LINGO2: variants seen among roughly 807,000 people sequenced by gnomAD.
The protein encoded by LINGO2 is leucine-rich repeat and immunoglobulin-like domain-containing nogo receptor-interacting protein 2.
In LINGO2, 14 loss-of-function variants were observed where a neutral mutation model predicts 30.6. The ratio of observed to expected loss-of-function variants is 0.46; its 90% confidence interval spans 0.30 to 0.72. LINGO2 has a LOEUF of 0.72. LINGO2 is among the 30% of genes least tolerant of loss of function. The pLI is 0.07. For missense variants in LINGO2, 729 were observed against 751.7 expected (o/e 0.97, Z 0.35); for synonymous variants, 317 against 288.5 (o/e 1.10, Z -1.00).
At chr9:29,161,228 G>T in the LINGO2 span, among the ~76,000 whole-genome samples, 3 of 152,216 alleles carry the variant, frequency 2.0e-5, no homozygotes, top group Admixed American at 6.5e-5. Flanking sequence ...CCATGATAAA[G>T]GTAGACAGTG....
intron 5 of LINGO2, among the ~76,000 whole-genome samples, chr9:27,982,082 C>T (rs1563879534): frequency 6.6e-6 from 1 of 151,824 alleles, no homozygotes; most frequent in Non-Finnish European, 1.5e-5. Context: ...TTTTAAATTA[C>T]AGCCTGCCTT....
intron 5 of LINGO2, among the ~76,000 whole-genome samples, chr9:27,969,113 G>C (rs1460812921): frequency 7.2e-6 from 1 of 139,530 alleles, no homozygotes; most frequent in Non-Finnish European, 1.5e-5. Context: ...AGATTTTCAT[G>C]ATTCAAAATG....
chr9:28,571,152 T>A (rs1396154150), intron 1 of LINGO2, among the ~76,000 whole-genome samples: 1 of 151,932 alleles, frequency 6.6e-6, no homozygotes, highest in Non-Finnish European at 1.5e-5. Context: ...TAAGGTATCT[T>A]AAAAAAATAC....
the LINGO2 span, among the ~76,000 whole-genome samples, chr9:29,008,748 T>C: frequency 1.6e-4 from 25 of 152,296 alleles, no homozygotes; most frequent in East Asian, 4.4e-3. Flanking sequence ...TCTGTTCATA[T>C]CCTTCACCCA....
chr9:27,977,492 GAC>G (rs1272852480), intron 5 of LINGO2, among the ~76,000 whole-genome samples: 7 of 151,852 alleles, frequency 4.6e-5, no homozygotes, highest in Non-Finnish European at 1.0e-4. Context: ...ACGACTCCCT[GAC>G]TACAAGTATA....
intron 4 of LINGO2, among the ~76,000 whole-genome samples, chr9:28,194,561 T>TAAA (rs555810032): frequency 0.097 from 11,041 of 114,260 alleles, 572 homozygotes; most frequent in Middle Eastern, 0.14. Flanking sequence ...CTCTCTATCC[T>TAAA]AAAAAAAAAA....
chr9:29,198,787 G>T, the LINGO2 span, among the ~76,000 whole-genome samples: 1 of 152,114 alleles, frequency 6.6e-6, no homozygotes, highest in Non-Finnish European at 1.5e-5. Flanking sequence ...TTCAAATTCT[G>T]TTCAAGAACA....
chr9:28,778,304 A>G, the LINGO2 span, among the ~76,000 whole-genome samples: 3 of 152,176 alleles, frequency 2.0e-5, no homozygotes, highest in East Asian at 3.8e-4. Context: ...AAGGAAAAGG[A>G]TGGATTAAAT....
the LINGO2 span, among the ~76,000 whole-genome samples, chr9:28,999,021 T>A: frequency 1.6e-4 from 24 of 152,236 alleles, no homozygotes; most frequent in African/African-American, 5.5e-4. Context: ...ACAGAGCTAG[T>A]TATTGTGATA....
intron 3 of LINGO2, among the ~76,000 whole-genome samples, chr9:28,301,189 C>T (rs1467037165): frequency 6.6e-6 from 1 of 152,014 alleles, no homozygotes; most frequent in Non-Finnish European, 1.5e-5. Flanking sequence ...AAGGATATTA[C>T]AAACAACATT....
At chr9:28,126,227 G>T (rs1827231865) in intron 4 of LINGO2, among the ~76,000 whole-genome samples, 1 of 152,140 alleles carries the variant, frequency 6.6e-6, no homozygotes, top group South Asian at 2.1e-4. Context: ...AAGGGTGAAA[G>T]TTCCAGATAA....
the LINGO2 span, among the ~76,000 whole-genome samples, chr9:29,195,242 C>A: frequency 4.6e-5 from 7 of 152,160 alleles, no homozygotes; most frequent in Admixed American, 3.9e-4. Context: ...GCAGTGGATA[C>A]CACAGTCTGT....
At chr9:29,066,201 T>C in the LINGO2 span, among the ~76,000 whole-genome samples, 1 of 151,802 alleles carries the variant, frequency 6.6e-6, no homozygotes, top group African/African-American at 2.4e-5. Context: ...TTGAATAGGA[T>C]CAGGAAAGAA....
chr9:27,949,318 T>C (rs1185735326), exon 6 of LINGO2: 2 of 1,613,980 alleles, frequency 1.2e-6, no homozygotes, highest in Non-Finnish European at 1.7e-6. Context: ...TTGGTGGTGA[T>C]GAAACGCCTT....
chr9:28,988,457 G>C, the LINGO2 span, among the ~76,000 whole-genome samples: 6 of 152,192 alleles, frequency 3.9e-5, no homozygotes, highest in East Asian at 9.7e-4. Context: ...GCAGCATATA[G>C]TGGAGTCTTT....
At chr9:28,923,085 T>G in the LINGO2 span, among the ~76,000 whole-genome samples, 1 of 152,076 alleles carries the variant, frequency 6.6e-6, no homozygotes, top group Admixed American at 6.5e-5. Context: ...AACTGAGAAA[T>G]GAAAGGAAAT....
chr9:28,577,134 G>A (rs953549545), intron 1 of LINGO2, among the ~76,000 whole-genome samples: 6 of 152,058 alleles, frequency 3.9e-5, no homozygotes, highest in South Asian at 2.1e-4. Flanking sequence ...AAAATAAAAC[G>A]CCACAAATTT....
intron 4 of LINGO2, among the ~76,000 whole-genome samples, chr9:28,067,039 CTTAATAAGT>C (rs1266859726): frequency 6.6e-6 from 1 of 152,026 alleles, no homozygotes; most frequent in Admixed American, 6.6e-5. Flanking sequence ...TCGTTATTTG[CTTAATAAGT>C]AATATCTGCA....
At position 28,147,315 on chromosome 9, in the gene LINGO2, G is replaced by A. The variant is rs537808413; in HGVS notation, c.-86-134910C>T. Among the ~76,000 whole-genome samples, 1,619 of 152,288 alleles carry A rather than the reference G, an allele frequency of 0.011. 26 individuals are homozygous for A. The highest frequency in any genetic ancestry group is 0.037 in the African/African-American group (1,529 of 41,568). On this transcript the variant is annotated intron_variant, in intron 4 of 5. Transcript: ENST00000379992. The surrounding 1 kb of genome is among the most constrained non-coding windows in gnomAD (Gnocchi z 4.7). Reference sequence around the variant, plus strand: ...CTGGCTGGGCCATGACCACCTGAATGACCTGAGGAATGGTCTCAGGCAAAT... The same window carrying A: ...CTGGCTGGGCCATGACCACCTGAATAACCTGAGGAATGGTCTCAGGCAAAT...
Sources: gnomAD v4.1 joint callset for allele counts (sites outside exome capture counted in the v4.1 genomes callset) on GRCh38, gnomAD v4.1.1 for gene constraint, Gnocchi (gnomAD v3.1) non-coding constraint, MANE v1.5 for transcripts, NCBI Gene and HGNC (gene_info 2026-07-23, HGNC 2026-07-21) for gene names.